The following HOPX variants were observed in gnomAD, a reference collection of about 807,000 sequenced individuals.
HOPX encodes the protein homeodomain-only protein.
In HOPX, 5 loss-of-function variants were observed where a neutral mutation model predicts 11.8. That is an observed-to-expected ratio of 0.43 (90% CI 0.22 to 0.89). The LOEUF (loss-of-function observed/expected upper bound fraction) is 0.89. Ranked by LOEUF, HOPX falls within the 40% of genes least tolerant of loss-of-function variation. HOPX has a pLI of 0.28. For missense variants in HOPX, 119 were observed against 120.0 expected (o/e 0.99, Z 0.04); for synonymous variants, 49 against 49.7 (o/e 0.99, Z 0.06).
At chr4:56,662,548 T>C (rs1560369124) in intron 1 of HOPX, 1 of 151,776 alleles carries the variant, frequency 6.6e-6, no homozygotes, top group Non-Finnish European at 1.5e-5. Context: ...GGTGTGATCT[T>C]GGCTCACTGC....
intron 1 of HOPX, among the ~76,000 whole-genome samples, chr4:56,676,828 C>T (rs4865141): frequency 0.27 from 41,215 of 151,406 alleles, 7,064 homozygotes; most frequent in African/African-American, 0.45. Flanking sequence ...TAATTACACA[C>T]CCAGCCACGC....
chr4:56,656,860 G>C (rs577701250), intron 2 of HOPX, among the ~76,000 whole-genome samples: 1 of 152,236 alleles, frequency 6.6e-6, no homozygotes, highest in Non-Finnish European at 1.5e-5. Context: ...ACAATTTACG[G>C]CAAAGAGCCT....
In HOPX at chr4:56,673,906, T is replaced by C. The variant is rs535537545; in HGVS notation, c.-84+7349A>G. On this transcript the variant is annotated intron_variant, in intron 1 of 3. Coordinates refer to ENST00000420433, the MANE Select transcript of HOPX (RefSeq NM_032495.6). ...TTTTAGTAGAGACGGGGTTTCACCA[T>C]GTTGGCCAGGCTGGTCTTGAACTCC... Among the ~76,000 whole-genome samples the C allele has an allele frequency of 1.0e-3, 159 of 151,722 alleles. 9 individuals carry two copies. Among genetic ancestry groups the C allele is most frequent in the African/African-American group, 3.8e-3 (156 of 41,010 alleles).
chr4:56,659,784 C>A (rs1353216566), intron 1 of HOPX, among the ~76,000 whole-genome samples: 1 of 152,156 alleles, frequency 6.6e-6, no homozygotes, highest in African/African-American at 2.4e-5. Context: ...TCTAAATATT[C>A]TTATGCCGTA....
intron 1 of HOPX, among the ~76,000 whole-genome samples, chr4:56,676,294 T>C (rs1719015527): frequency 6.6e-6 from 1 of 151,446 alleles, no homozygotes. Context: ...AGACTCTGTC[T>C]CAAAAACAAC....
At chr4:56,655,694 C>A (rs1297528520) in intron 3 of HOPX, among the ~76,000 whole-genome samples, 163 bp downstream of exon 3, 1 of 152,114 alleles carries the variant, frequency 6.6e-6, no homozygotes, top group Non-Finnish European at 1.5e-5. Flanking sequence ...GAGGCGGCGG[C>A]GGGAGCCATG....
chr4:56,663,660 T>C (rs1419805929), intron 1 of HOPX: 2 of 152,162 alleles, frequency 1.3e-5, no homozygotes, highest in Non-Finnish European at 2.9e-5. Context: ...TAATTTTTTG[T>C]ATTTTGAGTA....
chr4:56,675,029 C>T (rs1330394000), intron 1 of HOPX, among the ~76,000 whole-genome samples: 2 of 151,454 alleles, frequency 1.3e-5, no homozygotes, highest in Non-Finnish European at 2.9e-5. Context: ...AACTTCTCTA[C>T]ATTTAAAAGA....
Position 56,667,748 on chromosome 4 carries a change from G to A in HOPX, c.-83-9849C>T, listed in dbSNP as rs139774770. Reference sequence around the variant, plus strand: ...TAAGTATATGTTTTCCTTTCCTCCAGCATCCTAACAGACCTGCATTTTGCT... The same window carrying A: ...TAAGTATATGTTTTCCTTTCCTCCAACATCCTAACAGACCTGCATTTTGCT... On this transcript the variant is annotated intron_variant, in intron 1 of 3. Coordinates refer to ENST00000420433, the MANE Select transcript of HOPX (RefSeq NM_032495.6). Among the ~76,000 whole-genome samples the A allele has an allele frequency of 2.0e-5, 3 of 152,234 alleles. No homozygotes were observed. In the East Asian group the frequency reaches 5.8e-4, roughly 29 times the overall value.
chr4:56,657,794 T>C lies in HOPX; in HGVS notation c.23A>G (p.Tyr8Cys). The change falls in exon 2 of 4, where the codon TAC becomes TGC. Residue 8 changes from tyrosine to cysteine, a missense_variant. Tyr to Cys is a radical substitution (Grantham distance 194, BLOSUM62 -2). Transcript: ENST00000420433. Reference protein sequence around the residue: MLIFLGCYRRRLEERAGT... With the variant: MLIFLGCCRRRLEERAGT... Reference sequence around the variant, plus strand: ...AATTACCTCTTCCAGTCTTCTTCTGTAACAGCCCAGGAAAATGAGCATAGG... The same window carrying C: ...AATTACCTCTTCCAGTCTTCTTCTGCAACAGCCCAGGAAAATGAGCATAGG... 1 of 1,359,444 alleles carries C rather than the reference T, an allele frequency of 7.4e-7. No individual in the cohort carries two copies. Among genetic ancestry groups the C allele is most frequent in the Middle Eastern group, 1.8e-4 (1 of 5,648 alleles). The allele number at this position is 1,359,444 out of a possible 1,614,324, so 84.2% of individuals were successfully genotyped here. A position where few individuals can be genotyped will look rare whatever the true frequency, so the allele number is the denominator to read the frequency against.
chr4:56,671,218 G>A (rs984597933), intron 1 of HOPX, among the ~76,000 whole-genome samples: 1 of 151,884 alleles, frequency 6.6e-6, no homozygotes, highest in South Asian at 2.1e-4. Flanking sequence ...TTTTGCCTGA[G>A]CTCAAATTAC....
intron 1 of HOPX, among the ~76,000 whole-genome samples, chr4:56,672,270 G>C (rs1393046547): frequency 1.3e-5 from 2 of 152,014 alleles, no homozygotes; most frequent in Admixed American, 6.5e-5. Flanking sequence ...TGGGTACAGT[G>C]GTTCATGCCT....
chr4:56,663,050 A>G (rs1190603057), intron 1 of HOPX: 1 of 152,202 alleles, frequency 6.6e-6, no homozygotes, highest in Admixed American at 6.5e-5. Context: ...TAGGCAATAA[A>G]GATAATGGGA....
chr4:56,664,078 T>C (rs973737215), intron 1 of HOPX: 1 of 152,170 alleles, frequency 6.6e-6, no homozygotes, highest in Non-Finnish European at 1.5e-5. Context: ...GGTAAAGTTC[T>C]TATGATGTTA....
At chr4:56,666,134 T>C (rs1718426446) in intron 1 of HOPX, among the ~76,000 whole-genome samples, 1 of 152,042 alleles carries the variant, frequency 6.6e-6, no homozygotes, top group Non-Finnish European at 1.5e-5. Context: ...TAGCCAGTGA[T>C]TTCAGTTAAA....
intron 3 of HOPX, among the ~76,000 whole-genome samples, chr4:56,652,917 T>C (rs1170298764): frequency 6.6e-6 from 1 of 152,200 alleles, no homozygotes; most frequent in Non-Finnish European, 1.5e-5. Context: ...CTAGCCTCCA[T>C]GGAGTTATTT....
At chr4:56,655,774 C>G in intron 3 of HOPX, 83 bp downstream of exon 3, 1 of 1,463,220 alleles carries the variant, frequency 6.8e-7, no homozygotes, top group Non-Finnish European at 9.2e-7. Context: ...CGGCGGGAGG[C>G]GCGGACGAAC....
At chr4:56,651,709 A>G (rs1180095100) in intron 3 of HOPX, among the ~76,000 whole-genome samples, 2 of 152,198 alleles carry the variant, frequency 1.3e-5, no homozygotes, top group Non-Finnish European at 2.9e-5. Flanking sequence ...AGAGGTCTTT[A>G]TTCCACCGAT....
At chr4:56,681,221 C>T (rs2109567685) in intron 1 of HOPX, 34 bp downstream of exon 1, 13 of 984,452 alleles carry the variant, frequency 1.3e-5, no homozygotes, top group Non-Finnish European at 1.6e-5. Flanking sequence ...ACTCATTCCT[C>T]TGCATAAAAG....
Sources: gnomAD v4.1 joint callset for allele counts (sites outside exome capture counted in the v4.1 genomes callset) on GRCh38, gnomAD v4.1.1 for gene constraint, MANE v1.5 for transcripts, NCBI Gene and HGNC (gene_info 2026-07-23, HGNC 2026-07-21) for gene names.